Variants in ERG observed in about 807,000 individuals in gnomAD.
The protein encoded by ERG is ETS transcription factor ERG, also known as transcriptional regulator ERG.
Under a neutral mutation model 55.3 loss-of-function variants are expected in ERG, and 9 were observed. The ratio of observed to expected loss-of-function variants is 0.16; its 90% CI spans 0.10 to 0.28. The LOEUF (loss-of-function observed/expected upper bound fraction) is 0.28. Ranked by LOEUF, ERG falls within the 10% of genes least tolerant of loss-of-function variation. The pLI is 1.00. For synonymous variants in ERG, 223 were observed against 237.3 expected (o/e 0.94, Z 0.55); for missense variants, 434 against 631.6 (o/e 0.69, Z 3.35).
chr21:38,382,239 G>A lies in ERG; in HGVS notation c.*1164C>T. 9.5e-7 allele frequency: 1 copy of A among 1,049,316 alleles called. No homozygotes were observed. The highest frequency in any genetic ancestry group is 1.2e-6 in the Non-Finnish European group (1 of 868,744). 65.0% of individuals were successfully genotyped at this position (1,049,316 alleles called of 1,614,324 possible). On this transcript the variant is annotated 3_prime_UTR_variant, in exon 10 of 10. Coordinates refer to ENST00000288319, the MANE Select transcript of ERG (RefSeq NM_182918.4). ...TATATAATTATTATATAAAAAGGGGGAAAAACATTGACTTGTATACTTCAT... is the reference window on the plus strand; with the variant it reads ...TATATAATTATTATATAAAAAGGGGAAAAAACATTGACTTGTATACTTCAT...
chr21:38,499,354 T>A (rs951903214), upstream of ERG, among the ~76,000 whole-genome samples: 2 of 152,170 alleles, frequency 1.3e-5, no homozygotes, highest in African/African-American at 2.4e-5. Flanking sequence ...CACAGGTCTG[T>A]TTTCTCCTCG....
intron 2 of ERG, among the ~76,000 whole-genome samples, chr21:38,437,733 C>A (rs552728353): frequency 6.6e-6 from 1 of 152,258 alleles, no homozygotes; most frequent in African/African-American, 2.4e-5. Context: ...TATGTCCAAC[C>A]CATCAGCAAA....
intron 6 of ERG, among the ~76,000 whole-genome samples, chr21:38,398,976 T>G (rs1988361809): frequency 6.6e-6 from 1 of 152,198 alleles, no homozygotes; most frequent in South Asian, 2.1e-4. Context: ...TAGTTTTTAT[T>G]TTTTTAGTTT....
chr21:38,563,520 C>A (rs1359576812), intron 2 of ERG, among the ~76,000 whole-genome samples: 1 of 152,202 alleles, frequency 6.6e-6, no homozygotes. Context: ...GAGAGCACGT[C>A]CTCTCTGCTA....
At chr21:38,583,925 C>T (rs1304706624) in intron 1 of ERG, among the ~76,000 whole-genome samples, 3 of 152,176 alleles carry the variant, frequency 2.0e-5, no homozygotes, top group Non-Finnish European at 4.4e-5. Context: ...TTTAAGCTAC[C>T]CAGTTCATGG....
chr21:38,426,316 T>A (rs1989822501), intron 2 of ERG, among the ~76,000 whole-genome samples: 1 of 152,238 alleles, frequency 6.6e-6, no homozygotes, highest in Non-Finnish European at 1.5e-5. Context: ...TCACTTAGAC[T>A]GAGTTTCCTA....
chr21:38,456,145 ACCT>A (rs2058987676), intron 1 of ERG, among the ~76,000 whole-genome samples: 1 of 152,158 alleles, frequency 6.6e-6, no homozygotes, highest in African/African-American at 2.4e-5. Context: ...TGCAGTCTCT[ACCT>A]CCTCCATCTC....
At chr21:38,392,077 G>A (rs184877755) in intron 7 of ERG, among the ~76,000 whole-genome samples, 41 of 152,232 alleles carry the variant, frequency 2.7e-4, no homozygotes, top group African/African-American at 6.0e-4. Flanking sequence ...TTTTAAGCAT[G>A]GCCAAGATTC....
chr21:38,626,695 A>G (rs946995255), intron 1 of ERG, among the ~76,000 whole-genome samples: 1 of 152,250 alleles, frequency 6.6e-6, no homozygotes, highest in Non-Finnish European at 1.5e-5. Flanking sequence ...TTAAATGTTT[A>G]TGGCTTTTTA....
chr21:38,456,435 A>G (rs927233374), intron 1 of ERG, among the ~76,000 whole-genome samples: 8 of 152,196 alleles, frequency 5.3e-5, no homozygotes, highest in Non-Finnish European at 1.2e-4. Context: ...AATAATAATA[A>G]ATAAAAAAAT....
intron 1 of ERG, among the ~76,000 whole-genome samples, chr21:38,655,722 G>A (rs563939278): frequency 6.6e-6 from 1 of 152,268 alleles, no homozygotes; most frequent in East Asian, 1.9e-4. Context: ...CCATGAAACT[G>A]TCATGGTTTT....
intron 3 of ERG, among the ~76,000 whole-genome samples, chr21:38,415,100 T>A (rs553929571): frequency 8.5e-4 from 130 of 152,342 alleles, no homozygotes; most frequent in Non-Finnish European, 1.4e-3. Flanking sequence ...CTCCCCTGGG[T>A]ATTTTTGTCA....
intron 1 of ERG, among the ~76,000 whole-genome samples, chr21:38,604,719 C>T (rs866883130): frequency 2.0e-5 from 3 of 152,138 alleles, no homozygotes; most frequent in African/African-American, 4.8e-5. Context: ...TGTCTAAGTA[C>T]GAACTCAACT....
intron 1 of ERG, among the ~76,000 whole-genome samples, chr21:38,622,827 TACAC>T (rs1025557764): frequency 3.0e-5 from 4 of 131,226 alleles, no homozygotes; most frequent in African/African-American, 5.9e-5. Flanking sequence ...ACACCACACA[TACAC>T]ACCATGTGCT....
chr21:38,526,320 G>A (rs376869743), intron 2 of ERG, among the ~76,000 whole-genome samples: 2 of 152,262 alleles, frequency 1.3e-5, no homozygotes, highest in South Asian at 2.1e-4. Flanking sequence ...TAAGTAGTCC[G>A]TTTCTATAAT....
At chr21:38,538,761 A>G (rs2059729987) in intron 2 of ERG, among the ~76,000 whole-genome samples, 1 of 151,836 alleles carries the variant, frequency 6.6e-6, no homozygotes, top group South Asian at 2.1e-4. Context: ...TGTTACCTGG[A>G]ATTGAAAAGA....
chr21:38,611,478 G>A (rs2060226846), intron 1 of ERG, among the ~76,000 whole-genome samples: 1 of 151,898 alleles, frequency 6.6e-6, no homozygotes, highest in Non-Finnish European at 1.5e-5. Context: ...TGACCTCCCT[G>A]CTGCTCCTCA....
At chr21:38,582,044 C>CAAAAAAAAAAA (rs35717235) in intron 1 of ERG, among the ~76,000 whole-genome samples, 1 of 87,946 alleles carries the variant, frequency 1.1e-5, no homozygotes, top group Non-Finnish European at 2.3e-5. Context: ...CTCCATCTCA[C>CAAAAAAAAAAA]AAAAAAAAAA....
chr21:38,431,568 C>T (rs753665912), intron 2 of ERG, among the ~76,000 whole-genome samples: 1 of 152,076 alleles, frequency 6.6e-6, no homozygotes, highest in Non-Finnish European at 1.5e-5. Context: ...ATGAAAGCAG[C>T]CCACTGAGTA....
Sources: gnomAD v4.1 joint callset for allele counts (sites outside exome capture counted in the v4.1 genomes callset) on GRCh38, gnomAD v4.1.1 for gene constraint, MANE v1.5 for transcripts, NCBI Gene and HGNC (gene_info 2026-07-23, HGNC 2026-07-21) for gene names.